Variants in L3MBTL2 observed in about 807,000 individuals in gnomAD.
The protein encoded by L3MBTL2 is L3MBTL histone methyl-lysine binding protein 2.
L3MBTL2 carries 49 observed loss-of-function variants against 86.4 expected under a neutral mutation model. The ratio of observed to expected loss-of-function variants is 0.57; its 90% confidence interval spans 0.45 to 0.72. The LOEUF (loss-of-function observed/expected upper bound fraction) is 0.72, where lower values mean the gene tolerates loss of function less well. L3MBTL2 is among the 30% of genes least tolerant of loss of function. L3MBTL2 has a pLI of 0.00. For synonymous variants in L3MBTL2, 336 were observed against 350.6 expected, an observed-to-expected ratio of 0.96 and a Z score of 0.47; for missense variants, 755 against 923.7, an observed-to-expected ratio of 0.82 and a Z score of 2.37.
At chr22:41,212,862 T>G (rs2031009015) in intron 2 of L3MBTL2, among the ~76,000 whole-genome samples, 2 of 145,658 alleles carry the variant, frequency 1.4e-5, no homozygotes, top group African/African-American at 5.2e-5. Context: ...GCCACTGCAC[T>G]CCATCCTGGG....
At position 41,221,838 on chromosome 22, in the gene L3MBTL2, C is replaced by T. The variant is rs554610247; in HGVS notation, c.942+551C>T. Among the ~76,000 whole-genome samples, 6 of 151,894 alleles carry T rather than the reference C, an allele frequency of 4.0e-5. 1 individual carries two copies. Among genetic ancestry groups the T allele is most frequent in the East Asian group, 1.9e-4 (1 of 5,156 alleles). On this transcript the variant is annotated intron_variant, in intron 8 of 16. Coordinates refer to ENST00000216237, the MANE Select transcript of L3MBTL2 (RefSeq NM_031488.5). ...CAGGATGGTCTCAATCTCCTGACCTCGTGATCCATCTGCCTCGGCCTCCCA... is the reference window on the plus strand; with the variant it reads ...CAGGATGGTCTCAATCTCCTGACCTTGTGATCCATCTGCCTCGGCCTCCCA...
chr22:41,222,923 C>CA (rs34376261), intron 8 of L3MBTL2, among the ~76,000 whole-genome samples: 51 of 145,574 alleles, frequency 3.5e-4, no homozygotes, highest in East Asian at 8.0e-4. Flanking sequence ...GACTCCATTT[C>CA]AAAAAAAAAA....
At chr22:41,230,107 C>A (rs200068641) in intron 16 of L3MBTL2, 32 bp from the exon 17 acceptor site, 23 of 417,208 alleles carry the variant, frequency 5.5e-5, no homozygotes, top group Non-Finnish European at 6.0e-5. Flanking sequence ...GTTATTTACT[C>A]GCCCACCCAC....
intron 8 of L3MBTL2, 46 bp from the exon 9 acceptor site, chr22:41,223,974 G>C (rs1003438814): frequency 1.3e-6 from 2 of 1,485,218 alleles, no homozygotes; most frequent in Admixed American, 1.7e-5. Flanking sequence ...GGGTGGGTGG[G>C]AAGAGCCCTG....
Position 41,229,520 on chromosome 22 carries a change from G to GAATCCATTTTTATTCA in L3MBTL2, c.1889-17_1889-2dup. ...TAAATACAACCCTAATGCTGGGTTT[G>GAATCCATTTTTATTCA]AATCCATTTTTATTCAAAGGGAAAA... On this transcript the variant is annotated intron_variant, in intron 15 of 16. Coordinates refer to ENST00000216237, the MANE Select transcript of L3MBTL2 (RefSeq NM_031488.5). 1.2e-6 allele frequency: 2 copies of GAATCCATTTTTATTCA among 1,603,370 alleles called. No homozygotes were observed. Among genetic ancestry groups the GAATCCATTTTTATTCA allele is most frequent in the Non-Finnish European group, 1.7e-6 (2 of 1,172,014 alleles).
At chr22:41,216,464 A>G (rs1482624749) in intron 4 of L3MBTL2, among the ~76,000 whole-genome samples, 1 of 152,060 alleles carries the variant, frequency 6.6e-6, no homozygotes, top group East Asian at 1.9e-4. Context: ...ACACCCTTAA[A>G]TTATCAGGAC....
intron 8 of L3MBTL2, 150 bp downstream of exon 8, chr22:41,221,437 C>A: frequency 1.4e-6 from 1 of 694,188 alleles, no homozygotes; most frequent in Non-Finnish European, 2.5e-6. Flanking sequence ...ACAAATGCTG[C>A]TGCTACGTGG....
Position 41,229,524 on chromosome 22 carries a change from C to A in L3MBTL2, c.1889-16C>A. 1 of 1,603,546 alleles carries A rather than the reference C, an allele frequency of 6.2e-7. No homozygotes were observed. Among genetic ancestry groups the A allele is most frequent in the South Asian group, 1.1e-5 (1 of 90,714 alleles). On this transcript the variant is annotated splice_polypyrimidine_tract_variant and intron_variant, in intron 15 of 16. Transcript: ENST00000216237. ...TACAACCCTAATGCTGGGTTTGAAT[C>A]CATTTTTATTCAAAGGGAAAAGAAT...
intron 1 of L3MBTL2, 66 bp from the exon 2 acceptor site, chr22:41,209,630 C>T (rs2145566809): frequency 7.1e-7 from 1 of 1,411,364 alleles, no homozygotes; most frequent in Non-Finnish European, 9.9e-7. Flanking sequence ...AGATCTGCAG[C>T]TTCTCCCCCC....
chr22:41,211,717 C>T (rs1302688299), intron 2 of L3MBTL2, among the ~76,000 whole-genome samples: 27 of 128,788 alleles, frequency 2.1e-4, no homozygotes, highest in Admixed American at 1.6e-3. Flanking sequence ...CCACCACACC[C>T]GGCTAATTTT....
chr22:41,210,984 A>G (rs139440), intron 2 of L3MBTL2, among the ~76,000 whole-genome samples: 63,550 of 151,870 alleles, frequency 0.42, 14,048 homozygotes, highest in African/African-American at 0.56. Flanking sequence ...TGGGAGTGGG[A>G]AGGTAATACA....
chr22:41,215,966 A>G (rs1313816745), intron 3 of L3MBTL2, among the ~76,000 whole-genome samples, 173 bp from the exon 4 acceptor site: 1 of 151,952 alleles, frequency 6.6e-6, no homozygotes, highest in African/African-American at 2.4e-5. Context: ...CTTCCCCACA[A>G]CCACCCCCTG....
In L3MBTL2 at chr22:41,226,170, G is replaced by A. The variant is rs183602177; in HGVS notation, c.1504+229G>A. On this transcript the variant is annotated intron_variant, in intron 12 of 16. Transcript: ENST00000216237. ...CAGGTGCCTATAATCCCAGCCACTC[G>A]GGAGTCTGAGGCAGGAGAATTGCTT... is the stretch of plus-strand genomic sequence containing the variant. 4.4e-4 allele frequency among the ~76,000 whole-genome samples: 67 copies of A among 152,282 alleles called. No individual in the cohort carries two copies. The East Asian group carries it at 0.011, about 25-fold the overall frequency.
chr22:41,217,330 C>T (rs2031467495), intron 5 of L3MBTL2, 128 bp downstream of exon 5: 5 of 660,300 alleles, frequency 7.6e-6, no homozygotes, highest in African/African-American at 5.4e-5. Context: ...AGACGGATGG[C>T]GTTACCACTC....
In L3MBTL2 at chr22:41,224,102, T is replaced by C; in HGVS notation, c.1025T>C (p.Met342Thr). ...AAGTCCCAGGTGTCACGCACTCGCA[T>C]GGCTGTGGTGGACACAGTAATCGGG... Reference protein sequence around the residue: ...VDKSQVSRTRMAVVDTVIGGR... With the variant: ...VDKSQVSRTRTAVVDTVIGGR... The change falls in exon 9 of 17, where the codon ATG becomes ACG. Residue 342 changes from methionine (M) to threonine (T), a missense_variant. Coordinates refer to ENST00000216237, the MANE Select transcript of L3MBTL2 (RefSeq NM_031488.5). This position sits in a 1 kb window ranked among gnomAD's most constrained non-coding sequence, Gnocchi z 4.9. 1 of 1,614,128 alleles carries C rather than the reference T, an allele frequency of 6.2e-7. No individual in the cohort carries two copies.
At chr22:41,228,601 A>T in intron 15 of L3MBTL2, 1 of 830,830 alleles carries the variant, frequency 1.2e-6, no homozygotes, top group Non-Finnish European at 1.5e-6. Context: ...CTGTAATCCC[A>T]TCACTTTGGG....
Position 41,224,779 on chromosome 22 carries a change from C to T in L3MBTL2, c.1229C>T (p.Ala410Val). The change falls in exon 10 of 17, where the codon GCC becomes GTC. Residue 410 changes from alanine (A) to valine (V), a missense_variant. Physicochemically the swap from Ala to Val is moderately conservative, Grantham distance 64 (BLOSUM62 0). This residue lies in a region of L3MBTL2 where 634 missense variants were observed against 748.9 expected (regional missense o/e 0.85). Transcript: ENST00000216237. This position sits in a 1 kb window ranked among gnomAD's most constrained non-coding sequence, Gnocchi z 4.9. ...ACCTTCCGGAAGATCTACTGTGATG[C>T]CGTTCCTTACCTCTTCAAGAAGGTG... ...HPTFRKIYCD[A>V]VPYLFKKVRA... The T allele has an allele frequency of 6.2e-7, 1 of 1,613,786 alleles. No homozygotes were observed. The highest frequency in any genetic ancestry group is 8.5e-7 in the Non-Finnish European group (1 of 1,179,670).
At chr22:41,222,134 C>A (rs1165670182) in intron 8 of L3MBTL2, among the ~76,000 whole-genome samples, 1 of 151,266 alleles carries the variant, frequency 6.6e-6, no homozygotes, top group Non-Finnish European at 1.5e-5. Flanking sequence ...AACTCCTGAC[C>A]TCAAGTGATC....
intron 2 of L3MBTL2, among the ~76,000 whole-genome samples, chr22:41,210,857 C>T (rs2030713517): frequency 6.6e-6 from 1 of 152,166 alleles, no homozygotes; most frequent in South Asian, 2.1e-4. Flanking sequence ...CATGGTGCTG[C>T]TTTTTTGTAT....
Sources: allele counts gnomAD v4.1 joint callset (sites outside exome capture counted in the v4.1 genomes callset), GRCh38; gene constraint gnomAD v4.1.1; regional missense constraint gnomAD v4.1.1; non-coding constraint Gnocchi (gnomAD v3.1); transcripts MANE v1.5; gene names NCBI Gene and HGNC (gene_info 2026-07-23, HGNC 2026-07-21).